Variants in FSCN2 observed in about 807,000 individuals in gnomAD.
FSCN2 encodes the protein fascin actin-bundling protein 2, retinal.
In FSCN2, 46 loss-of-function variants were observed where a neutral mutation model predicts 37.8. That is an observed-to-expected ratio of 1.22 (90% CI 0.96 to 1.56). The LOEUF is 1.56. FSCN2 is among the 40% of genes most tolerant of loss of function. The probability of loss-of-function intolerance (pLI) is 0.00; values close to 1 mark genes in which losing one functional copy is unlikely to be tolerated. For missense variants in FSCN2, 844 were observed against 730.4 expected, an observed-to-expected ratio of 1.16 and a Z score of -1.79; for synonymous variants, 351 against 309.4, an observed-to-expected ratio of 1.13 and a Z score of -1.41.
At chr17:81,534,541 C>G (rs977359561) in intron 1 of FSCN2, among the ~76,000 whole-genome samples, 2 of 151,968 alleles carry the variant, frequency 1.3e-5, no homozygotes, top group Non-Finnish European at 2.9e-5. Context: ...GTCTTGTCCT[C>G]CCCCAGGGGT....
At chr17:81,527,999 C>T (rs573210324), upstream of FSCN2, among the ~76,000 whole-genome samples, 5 of 152,058 alleles carry the variant, frequency 3.3e-5, no homozygotes, top group Admixed American at 1.3e-4. Context: ...AGGGTACGGG[C>T]GGCGATCAGG....
At chr17:81,531,794 GATGATA>G (rs1302619649) in intron 1 of FSCN2, among the ~76,000 whole-genome samples, 12 of 98,840 alleles carry the variant, frequency 1.2e-4, no homozygotes, top group Non-Finnish European at 2.2e-4. Flanking sequence ...TGATGGTGAT[GATGATA>G]ATGGTGATGA....
intron 1 of FSCN2, among the ~76,000 whole-genome samples, chr17:81,531,222 GTGATAA>G (rs1387761240): frequency 2.6e-4 from 21 of 79,926 alleles, no homozygotes; most frequent in African/African-American, 9.9e-4. Context: ...GGTGGTGATG[GTGATAA>G]TGGTGATGGT....
chr17:81,532,984 C>T (rs2032747966), intron 1 of FSCN2, among the ~76,000 whole-genome samples: 1 of 152,116 alleles, frequency 6.6e-6, no homozygotes, highest in Admixed American at 6.5e-5. Flanking sequence ...ACCCAACCAC[C>T]AGGTGTTTCA....
chr17:81,535,181 G>C lies in FSCN2; in HGVS notation c.956G>C (p.Gly319Ala), dbSNP rs1394477008. The C allele has an allele frequency of 6.5e-7, 1 of 1,532,954 alleles. No individual in the cohort carries two copies. The highest frequency in any genetic ancestry group is 1.4e-5 in the African/African-American group (1 of 72,760). The allele number at this position is 1,532,954 out of a possible 1,614,324, so 95.0% of individuals were successfully genotyped here. Reference sequence around the variant, plus strand: ...GGCTACTGGACCCTGGTCACCCATGGGGGCATTCACGCCACAGCCACACAA... The same window carrying C: ...GGCTACTGGACCCTGGTCACCCATGCGGGCATTCACGCCACAGCCACACAA... ...TGGYWTLVTH[G>A]GIHATATQVS... The change falls in exon 2 of 5, where the codon GGG (glycine) becomes GCG (alanine). Residue 319 changes from glycine to alanine, a missense_variant. By Grantham distance (60) the Gly-to-Ala change is moderately conservative. Transcript: ENST00000417245.
chr17:81,531,526 TG>T (rs1568077576), intron 1 of FSCN2, among the ~76,000 whole-genome samples: 1 of 120,680 alleles, frequency 8.3e-6, no homozygotes, highest in Admixed American at 8.7e-5. Context: ...ATGGTGGTGA[TG>T]GCGATGGTGG....
chr17:81,525,425 C>CAAA (rs1202765459), upstream of FSCN2, among the ~76,000 whole-genome samples: 11 of 47,854 alleles, frequency 2.3e-4, 1 homozygote, highest in Non-Finnish European at 3.4e-4. Flanking sequence ...GACTCTGTCT[C>CAAA]AAAAAAAAAA....
In FSCN2 at chr17:81,530,222, C is replaced by G. The variant is rs553384057; in HGVS notation, c.826+865C>G. The G allele has an allele frequency of 1.4e-4, 38 of 277,410 alleles. 2 individuals carry two copies. The highest frequency in any genetic ancestry group is 1.3e-3 in the South Asian group (38 of 30,090). The allele number at this position is 277,410 out of a possible 1,614,324, so 17.2% of individuals were successfully genotyped here. ...CCTGACCAGTGGAGCCTCGTGTCCT[C>G]AGGAGTGGGGGGGCTTAAGGTCAGC... On this transcript the variant is annotated intron_variant, in intron 1 of 4. Transcript: ENST00000417245.
chr17:81,524,394 A>G (rs2032287237), upstream of FSCN2, among the ~76,000 whole-genome samples: 1 of 151,914 alleles, frequency 6.6e-6, no homozygotes, highest in Admixed American at 6.6e-5. Context: ...GGGACAAGGC[A>G]CCCCCTCCCA....
chr17:81,515,370 G>T, the FSCN2 span, among the ~76,000 whole-genome samples: 2 of 152,232 alleles, frequency 1.3e-5, no homozygotes, highest in African/African-American at 4.8e-5. Flanking sequence ...GGCGGCCTCC[G>T]GAGCCGGGAG....
intron 1 of FSCN2, among the ~76,000 whole-genome samples, chr17:81,532,240 T>C (rs1487635080): frequency 1.4e-5 from 2 of 147,336 alleles, no homozygotes; most frequent in Non-Finnish European, 3.0e-5. Context: ...ATGGTGATGA[T>C]GGTGATGGTG....
the FSCN2 span, among the ~76,000 whole-genome samples, chr17:81,517,915 G>A: frequency 6.6e-6 from 1 of 152,060 alleles, no homozygotes; most frequent in Non-Finnish European, 1.5e-5. Context: ...CTCTTCACAG[G>A]GCTAAAGCCA....
At chr17:81,525,287 G>A (rs7501693), upstream of FSCN2, among the ~76,000 whole-genome samples, 2,536 of 151,842 alleles carry the variant, frequency 0.017, 164 homozygotes, top group Admixed American at 0.11. Flanking sequence ...CTAGCGGGGC[G>A]TGGTGGTGGG....
the FSCN2 span, among the ~76,000 whole-genome samples, chr17:81,520,173 G>A: frequency 3.3e-5 from 5 of 152,178 alleles, no homozygotes; most frequent in South Asian, 2.1e-4. Flanking sequence ...GGGCACTGCC[G>A]GACAGGGGAT....
At chr17:81,524,492 C>T (rs2032290030), upstream of FSCN2, among the ~76,000 whole-genome samples, 1 of 152,230 alleles carries the variant, frequency 6.6e-6, no homozygotes, top group Admixed American at 6.5e-5. Context: ...GCGTGGAGCC[C>T]TCAGTGTGGC....
At chr17:81,533,939 C>CCTCCTGCGGG (rs2032774367) in intron 1 of FSCN2, among the ~76,000 whole-genome samples, 1 of 152,186 alleles carries the variant, frequency 6.6e-6, no homozygotes, top group Non-Finnish European at 1.5e-5. Flanking sequence ...CTCATGGGCC[C>CCTCCTGCGGG]CTCCTGCGGG....
chr17:81,524,252 G>T (rs1400305249), upstream of FSCN2, among the ~76,000 whole-genome samples: 2 of 152,190 alleles, frequency 1.3e-5, no homozygotes, highest in Non-Finnish European at 2.9e-5. Flanking sequence ...GAGGCTGCCA[G>T]GGGATTCTGA....
chr17:81,531,507 GTGA>G (rs2032598850), intron 1 of FSCN2, among the ~76,000 whole-genome samples: 1 of 120,000 alleles, frequency 8.3e-6, no homozygotes, highest in Non-Finnish European at 1.6e-5. Flanking sequence ...GGTGATGGTG[GTGA>G]TGGTGATGGT....
chr17:81,529,072 A>G lies in FSCN2; in HGVS notation c.541A>G (p.Ser181Gly), dbSNP rs2032457696. The change falls in exon 1 of 5, where the codon AGC (serine) becomes GGC (glycine). Residue 181 changes from serine to glycine, a missense_variant. Coordinates refer to ENST00000417245, the MANE Select transcript of FSCN2 (RefSeq NM_012418.4). The stretch of plus-strand genomic sequence containing the variant: ...CGCCCTCCTCACCCTCATCTTCCGG[A>G]GCCGACGGTACTGCCTCAAGTCCTG... ...VDALLTLIFR[S>G]RRYCLKSCDS... The G allele has an allele frequency of 6.3e-7, 1 of 1,590,810 alleles. No individual in the cohort carries two copies. The highest frequency in any genetic ancestry group is 2.3e-5 in the East Asian group (1 of 43,722).
Sources: allele counts gnomAD v4.1 joint callset (sites outside exome capture counted in the v4.1 genomes callset), GRCh38; gene constraint gnomAD v4.1.1; transcripts MANE v1.5; gene names NCBI Gene and HGNC (gene_info 2026-07-23, HGNC 2026-07-21).